PMP22: variants seen among roughly 807,000 people sequenced by gnomAD.
The protein encoded by PMP22 is peripheral myelin protein 22.
PMP22 carries 2 observed loss-of-function variants against 18.9 expected under a neutral mutation model. The observed-to-expected ratio is 0.11, with a 90% CI of 0.04 to 0.33. PMP22 has a LOEUF of 0.33. Ranked by LOEUF, PMP22 falls within the 10% of genes least tolerant of loss-of-function variation. The pLI is 1.00. For synonymous variants in PMP22, 95 were observed against 89.2 expected, an observed-to-expected ratio of 1.07 and a Z score of -0.37; for missense variants, 169 against 202.2, an observed-to-expected ratio of 0.84 and a Z score of 1.00.
At chr17:15,245,937 C>T (rs1907765617) in intron 3 of PMP22, among the ~76,000 whole-genome samples, 1 of 151,582 alleles carries the variant, frequency 6.6e-6, no homozygotes, top group Non-Finnish European at 1.5e-5. Context: ...GGCGTGAACC[C>T]TGGAGGCGGA....
intron 3 of PMP22, among the ~76,000 whole-genome samples, chr17:15,252,270 G>T (rs1908420552): frequency 6.6e-6 from 1 of 152,206 alleles, no homozygotes; most frequent in Non-Finnish European, 1.5e-5. Context: ...AGACAGCGAT[G>T]ATAGGAGACC....
At chr17:15,260,030 A>G (rs940740586) in intron 2 of PMP22, among the ~76,000 whole-genome samples, 6 of 152,112 alleles carry the variant, frequency 3.9e-5, no homozygotes, top group Non-Finnish European at 5.9e-5. Flanking sequence ...GAAAGCCACC[A>G]CTGGAAAACT....
chr17:15,255,475 C>T (rs1314176982), intron 3 of PMP22, among the ~76,000 whole-genome samples: 1 of 152,018 alleles, frequency 6.6e-6, no homozygotes, highest in African/African-American at 2.4e-5. Context: ...ACAGCCAAAC[C>T]CAAGAGATGG....
In PMP22 at chr17:15,245,590, T is replaced by C. The variant is rs891502950; in HGVS notation, c.179-5979A>G. Among the ~76,000 whole-genome samples, 9 of 152,118 alleles carry C rather than the reference T, an allele frequency of 5.9e-5. No individual in the cohort carries two copies. The East Asian group carries it at 7.7e-4, about 13-fold the overall frequency. On this transcript the variant is annotated intron_variant, in intron 3 of 4. Transcript: ENST00000312280. Reference sequence around the variant, plus strand: ...TTGTTATTGAAGCGCTGTTAAAGGATAGTGCAAATAACCCCACCTAAAAGG... The same window carrying C: ...TTGTTATTGAAGCGCTGTTAAAGGACAGTGCAAATAACCCCACCTAAAAGG...
In PMP22 at chr17:15,250,799, CACTT is replaced by C. The variant is rs374653881; in HGVS notation, c.178+8291_178+8294del. On this transcript the variant is annotated intron_variant, in intron 3 of 4. Coordinates refer to ENST00000312280, the MANE Select transcript of PMP22 (RefSeq NM_000304.4). ...GCATTGCTTTTCAAAGAATGCCTGG[CACTT>C]ACGTGAGCTGTTTGTATTCTTAACA... Among the ~76,000 whole-genome samples the C allele has an allele frequency of 9.6e-4, 146 of 152,328 alleles. 1 individual carries two copies. The highest frequency in any genetic ancestry group is 3.3e-3 in the African/African-American group (136 of 41,574).
chr17:15,239,634 T>C (rs1253948697), intron 3 of PMP22, 23 bp from the exon 4 acceptor site: 1 of 1,613,332 alleles, frequency 6.2e-7, no homozygotes, highest in Non-Finnish European at 8.5e-7. Flanking sequence ...GACACTTGGT[T>C]AGGAGAGCTG....
At chr17:15,263,196 G>A (rs1909479171) in intron 1 of PMP22, among the ~76,000 whole-genome samples, 1 of 152,202 alleles carries the variant, frequency 6.6e-6, no homozygotes, top group Non-Finnish European at 1.5e-5. Context: ...GCCGACTACT[G>A]GATAGCATGG....
rs1431878176 is a variant in PMP22, at chr17:15,250,210, G to A, written c.178+8884C>T. 5.3e-5 allele frequency among the ~76,000 whole-genome samples: 8 copies of A among 152,232 alleles called. No individual in the cohort carries two copies. The East Asian group carries it at 1.2e-3, about 22-fold the overall frequency. On this transcript the variant is annotated intron_variant, in intron 3 of 4. Transcript: ENST00000312280. ...TGGGATTATAGGCGTGAGCCACCGC[G>A]CCCAGCCGAGGTAATTTCTTAAGTG... is the stretch of plus-strand genomic sequence containing the variant.
chr17:15,245,873 C>T (rs1332030261), intron 3 of PMP22, among the ~76,000 whole-genome samples: 1 of 151,852 alleles, frequency 6.6e-6, no homozygotes, highest in Non-Finnish European at 1.5e-5. Context: ...ATTAGCCGGG[C>T]GTGGTGGCGG....
intron 4 of PMP22, among the ~76,000 whole-genome samples, chr17:15,234,009 C>T (rs1161621703): frequency 6.6e-6 from 1 of 152,218 alleles, no homozygotes; most frequent in Non-Finnish European, 1.5e-5. Flanking sequence ...AATGATCACT[C>T]TGGCCATGGT....
rs1269629253 is a variant in PMP22 at position 15,261,215 on chromosome 17, G to A, written c.-34-454C>T. ...GTGGAGGTAGGGGTGAGGGGAGTAG[G>A]TGCCCAGATTTCCGTCTGAGACCTG... is the stretch of plus-strand genomic sequence containing the variant. On this transcript the variant is annotated intron_variant, in intron 1 of 4. Coordinates refer to ENST00000312280, the MANE Select transcript of PMP22 (RefSeq NM_000304.4). This position sits in a 1 kb window ranked among gnomAD's most constrained non-coding sequence, Gnocchi z 5.2. The A allele has an allele frequency of 1.3e-5, 2 of 153,350 alleles. No homozygotes were observed. Among genetic ancestry groups the A allele is most frequent in the Non-Finnish European group, 2.9e-5 (2 of 69,032 alleles). The allele number at this position is 153,350 out of a possible 1,614,324, so 9.5% of individuals were successfully genotyped here.
rs144980798 is a variant in PMP22, at chr17:15,235,430, G to A, written c.319+4041C>T. 85 of 666,972 alleles carry A rather than the reference G, an allele frequency of 1.3e-4. 1 individual carries two copies. In the East Asian group the frequency reaches 2.3e-3, roughly 18 times the overall value. 41.3% of individuals were successfully genotyped at this position (666,972 alleles called of 1,614,324 possible). ...AATCTTCCTTTTAGGTCTGTGTCTAGATTAATTTCTTGATGTTTTCCAGTC... is the reference window on the plus strand; with the variant it reads ...AATCTTCCTTTTAGGTCTGTGTCTAAATTAATTTCTTGATGTTTTCCAGTC... On this transcript the variant is annotated intron_variant, in intron 4 of 4. Coordinates refer to ENST00000312280, the MANE Select transcript of PMP22 (RefSeq NM_000304.4).
intron 3 of PMP22, among the ~76,000 whole-genome samples, chr17:15,252,442 G>C (rs1412660302): frequency 6.6e-6 from 1 of 151,902 alleles, no homozygotes; most frequent in Non-Finnish European, 1.5e-5. Flanking sequence ...CTGTTTAAAT[G>C]GAAAAGAAGA....
intron 3 of PMP22, among the ~76,000 whole-genome samples, chr17:15,248,241 G>A (rs1908003749): frequency 6.6e-6 from 1 of 152,172 alleles, no homozygotes; most frequent in Non-Finnish European, 1.5e-5. Context: ...AGACAACTAT[G>A]TGCCAGCATG....
rs115279161 is a variant in PMP22 at position 15,237,771 on chromosome 17, T to C, written c.319+1700A>G. Among the ~76,000 whole-genome samples, 1,285 of 152,304 alleles carry C rather than the reference T, an allele frequency of 8.4e-3. 11 individuals are homozygous for C. The highest frequency in any genetic ancestry group is 0.026 in the African/African-American group (1,100 of 41,558). On this transcript the variant is annotated intron_variant, in intron 4 of 4. Transcript: ENST00000312280. ...AAATAACGAGCCTGTACAAATAAAA[T>C]GTAATTTTTTTCACATCAGATGGGT... is the stretch of plus-strand genomic sequence containing the variant.
chr17:15,230,340 A>G lies in PMP22; in HGVS notation c.*577T>C, dbSNP rs7538. ...CCAATGCCACAAGCCGTGTTTTTGCAAGGGCTCCAGTTTGGGCATTTTGTC... is the reference window on the plus strand; with the variant it reads ...CCAATGCCACAAGCCGTGTTTTTGCGAGGGCTCCAGTTTGGGCATTTTGTC... On this transcript the variant is annotated 3_prime_UTR_variant, in exon 5 of 5. Coordinates refer to ENST00000312280, the MANE Select transcript of PMP22 (RefSeq NM_000304.4). The G allele has an allele frequency of 0.2, 31,705 of 155,022 alleles. 4,218 individuals carry two copies. The highest frequency in any genetic ancestry group is 0.29 in the Non-Finnish European group (20,345 of 69,552). 9.6% of individuals were successfully genotyped at this position (155,022 alleles called of 1,614,324 possible).
chr17:15,257,557 G>T (rs992362846), intron 3 of PMP22, among the ~76,000 whole-genome samples: 1 of 152,186 alleles, frequency 6.6e-6, no homozygotes, highest in Non-Finnish European at 1.5e-5. Flanking sequence ...ACTCCCATCC[G>T]GAGTGCTCCG....
intron 3 of PMP22, among the ~76,000 whole-genome samples, chr17:15,244,014 T>A (rs1597613765): frequency 1.3e-5 from 2 of 152,042 alleles, no homozygotes; most frequent in African/African-American, 4.8e-5. Context: ...GTGTTGGCTA[T>A]TCATTTGGTA....
rs113217648 is a variant in PMP22 at position 15,257,968 on chromosome 17, G to A, written c.178+1126C>T. Among the ~76,000 whole-genome samples the A allele has an allele frequency of 9.7e-3, 1,478 of 152,258 alleles. 30 individuals are homozygous for A. Among genetic ancestry groups the A allele is most frequent in the African/African-American group, 0.033 (1,373 of 41,532 alleles). On this transcript the variant is annotated intron_variant, in intron 3 of 4. Transcript: ENST00000312280. ...CTGGGGACATGCTTGGGTATTACTG[G>A]GTACTGAGCTGTAAGAGGGAAAGTC...
Sources: gnomAD v4.1 joint callset for allele counts (sites outside exome capture counted in the v4.1 genomes callset) on GRCh38, gnomAD v4.1.1 for gene constraint, Gnocchi (gnomAD v3.1) non-coding constraint, MANE v1.5 for transcripts, NCBI Gene and HGNC (gene_info 2026-07-23, HGNC 2026-07-21) for gene names.